The following TMEM232 variants were observed in gnomAD, a reference collection of about 807,000 sequenced individuals.
The protein encoded by TMEM232 is transmembrane protein 232.
A neutral mutation model predicts 78.8 loss-of-function variants in TMEM232; 80 were observed. That is an observed-to-expected ratio of 1.01 (90% CI 0.85 to 1.22). TMEM232 has a LOEUF of 1.22. Ranked by LOEUF, TMEM232 falls within the 50% of genes most tolerant of loss-of-function variation. The pLI is 0.00. For synonymous variants in TMEM232, 297 were observed against 254.3 expected, an observed-to-expected ratio of 1.17 and a Z score of -1.60; for missense variants, 881 against 742.2, an observed-to-expected ratio of 1.19 and a Z score of -2.17.
intron 1 of TMEM232, among the ~76,000 whole-genome samples, chr5:110,709,596 C>T (rs2150308446): frequency 6.6e-6 from 1 of 152,082 alleles, no homozygotes; most frequent in African/African-American, 2.4e-5. Context: ...GGAAACTATA[C>T]AAACACGTGA....
At chr5:110,392,404 C>T (rs532152887) in intron 3 of TMEM232, among the ~76,000 whole-genome samples, 2 of 152,272 alleles carry the variant, frequency 1.3e-5, no homozygotes, top group African/African-American at 4.8e-5. Flanking sequence ...GTGACTCCCT[C>T]CAATTTGGTA....
At chr5:110,608,743 A>C (rs1336217711) in intron 8 of TMEM232, among the ~76,000 whole-genome samples, 1 of 152,036 alleles carries the variant, frequency 6.6e-6, no homozygotes, top group African/African-American at 2.4e-5. Flanking sequence ...ATACTTATAA[A>C]CTGGAGTTTG....
intron 6 of TMEM232, 107 bp downstream of exon 6, chr5:110,627,674 T>C: frequency 1.2e-6 from 1 of 806,368 alleles, no homozygotes; most frequent in South Asian, 2.2e-5. Context: ...GCACCTATTA[T>C]CTTTTATGAA....
intron 1 of TMEM232, among the ~76,000 whole-genome samples, chr5:110,698,675 A>C (rs1388546226): frequency 6.6e-6 from 1 of 152,006 alleles, no homozygotes; most frequent in Non-Finnish European, 1.5e-5. Context: ...CTAGAGGTCT[A>C]AATTAGCTTT....
At chr5:110,676,400 TC>T (rs1476677266) in intron 1 of TMEM232, among the ~76,000 whole-genome samples, 2 of 149,734 alleles carry the variant, frequency 1.3e-5, no homozygotes, top group Admixed American at 1.3e-4. Context: ...GGTTCCCTTT[TC>T]TTTTTTTTTT....
chr5:110,654,847 T>C (rs1424166487), intron 2 of TMEM232, among the ~76,000 whole-genome samples: 7 of 152,154 alleles, frequency 4.6e-5, no homozygotes, highest in African/African-American at 1.7e-4. Context: ...GTAGTTCTCC[T>C]TGAAGAGGCC....
intron 12 of TMEM232, among the ~76,000 whole-genome samples, chr5:110,471,460 T>C (rs1210350232): frequency 6.6e-6 from 1 of 152,050 alleles, no homozygotes; most frequent in African/African-American, 2.4e-5. Context: ...AGACATTAAT[T>C]AAACCCTCAA....
intron 12 of TMEM232, among the ~76,000 whole-genome samples, chr5:110,429,503 G>T (rs1757595212): frequency 6.6e-6 from 1 of 151,738 alleles, no homozygotes; most frequent in East Asian, 1.9e-4. Context: ...TATTCCCCAG[G>T]AGCAGGAGAC....
intron 12 of TMEM232, among the ~76,000 whole-genome samples, chr5:110,523,976 G>C (rs1769973993): frequency 1.8e-5 from 2 of 113,234 alleles, no homozygotes; most frequent in African/African-American, 3.1e-5. Context: ...AGGGGGGGGG[G>C]CGGGGGGGCT....
At chr5:110,550,751 G>A (rs1046807136) in intron 11 of TMEM232, among the ~76,000 whole-genome samples, 2 of 151,590 alleles carry the variant, frequency 1.3e-5, no homozygotes, top group Admixed American at 6.6e-5. Context: ...ATAATGATAT[G>A]TATCAATTAC....
In TMEM232 at chr5:110,388,260, T is replaced by C. The variant is rs117650810; in HGVS notation, n.616-207A>G. ...GGCTGGTCACCCGATCCTAAACTTATTATACAAGTGGGCTTTCCACTTGGC... is the reference window on the plus strand; with the variant it reads ...GGCTGGTCACCCGATCCTAAACTTACTATACAAGTGGGCTTTCCACTTGGC... On this transcript the variant is annotated intron_variant and non_coding_transcript_variant, in intron 4 of 8. Coordinates refer to the TMEM232 transcript ENST00000507188. Among the ~76,000 whole-genome samples the C allele has an allele frequency of 4.5e-4, 69 of 152,198 alleles. 2 individuals are homozygous for C. The East Asian group carries it at 7.9e-3, about 17-fold the overall frequency.
At chr5:110,685,060 A>C (rs1036401322) in intron 1 of TMEM232, 2 of 152,136 alleles carry the variant, frequency 1.3e-5, no homozygotes, top group African/African-American at 2.4e-5. Context: ...ATTATAACAA[A>C]AGGATAAATT....
intron 1 of TMEM232, among the ~76,000 whole-genome samples, chr5:110,688,155 T>C (rs555917469): frequency 1.3e-5 from 2 of 152,070 alleles, no homozygotes; most frequent in East Asian, 1.9e-4. Context: ...AATTAAGTTA[T>C]TAATTTATCC....
chr5:110,531,468 A>C (rs1771466567), intron 11 of TMEM232, among the ~76,000 whole-genome samples: 2 of 152,176 alleles, frequency 1.3e-5, no homozygotes, highest in Admixed American at 1.3e-4. Flanking sequence ...CACTAATTTC[A>C]AATCCGGTAA....
intron 9 of TMEM232, among the ~76,000 whole-genome samples, chr5:110,605,616 A>T (rs1377265136): frequency 6.6e-6 from 1 of 152,152 alleles, no homozygotes; most frequent in African/African-American, 2.4e-5. Flanking sequence ...ATTCAATGAG[A>T]TACTATTTTC....
intron 5 of TMEM232, among the ~76,000 whole-genome samples, chr5:110,635,620 A>C (rs745315422): frequency 1.3e-5 from 2 of 152,118 alleles, no homozygotes; most frequent in African/African-American, 2.4e-5. Flanking sequence ...ATTTGAAAAA[A>C]TTCAGCATCC....
exon 1 of TMEM232, chr5:110,738,006 AAAAT>A (rs1461981070): frequency 8.8e-6 from 2 of 227,242 alleles, no homozygotes; most frequent in Admixed American, 5.4e-5. Context: ...ACACCCATAA[AAAAT>A]AAAAAGTGAT....
chr5:110,621,418 A>C (rs1783733947), intron 7 of TMEM232, among the ~76,000 whole-genome samples: 1 of 152,106 alleles, frequency 6.6e-6, no homozygotes, highest in East Asian at 1.9e-4. Flanking sequence ...CAAAAAATGA[A>C]AAATACGTAT....
intron 11 of TMEM232, among the ~76,000 whole-genome samples, chr5:110,547,251 G>C (rs1773892061): frequency 6.6e-6 from 1 of 152,098 alleles, no homozygotes. Context: ...TAAGAAAGCA[G>C]CTTTAAAAAA....
Sources: allele counts gnomAD v4.1 joint callset (sites outside exome capture counted in the v4.1 genomes callset), GRCh38; gene constraint gnomAD v4.1.1; transcripts MANE v1.5; gene names NCBI Gene and HGNC (gene_info 2026-07-23, HGNC 2026-07-21).